Variants in TRIM24 observed in about 807,000 individuals in gnomAD.
TRIM24 encodes tripartite motif containing 24.
Under a neutral mutation model 123.9 loss-of-function variants are expected in TRIM24, and 29 were observed. The ratio of observed to expected loss-of-function variants is 0.23; its 90% CI spans 0.17 to 0.32. The LOEUF is 0.32. Ranked by LOEUF, TRIM24 falls within the 10% of genes least tolerant of loss-of-function variation. The probability of loss-of-function intolerance (pLI) is 1.00; values close to 1 mark genes in which losing one functional copy is unlikely to be tolerated. For synonymous variants in TRIM24, 456 were observed against 461.1 expected (o/e 0.99, Z 0.14); for missense variants, 932 against 1,295.3 (o/e 0.72, Z 4.31).
At chr7:138,559,323 C>T (rs1258205096) in intron 9 of TRIM24, among the ~76,000 whole-genome samples, 1 of 152,078 alleles carries the variant, frequency 6.6e-6, no homozygotes, top group Non-Finnish European at 1.5e-5. Flanking sequence ...CATTTTCTGA[C>T]ACTGGTATGA....
intron 3 of TRIM24, among the ~76,000 whole-genome samples, chr7:138,516,575 G>A (rs985445693): frequency 5.9e-5 from 9 of 151,976 alleles, no homozygotes; most frequent in South Asian, 2.1e-4. Flanking sequence ...GGCTGGTCTC[G>A]AACTCCTGAC....
Position 138,586,041 on chromosome 7 carries a change from T to G in TRIM24, c.*1090T>G. On this transcript the variant is annotated 3_prime_UTR_variant, in exon 19 of 19. Coordinates refer to ENST00000343526, the MANE Select transcript of TRIM24 (RefSeq NM_015905.3). ...AAGCATCTATCTCATGTTTTTCTTT[T>G]GAGAGTCAGAACATCAAACTTAATC... The G allele has an allele frequency of 6.9e-6, 3 of 434,444 alleles. No homozygotes were observed. Among genetic ancestry groups the G allele is most frequent in the Non-Finnish European group, 1.4e-5 (3 of 221,424 alleles). The allele number at this position is 434,444 out of a possible 1,614,324, so 26.9% of individuals were successfully genotyped here. A position where few individuals can be genotyped will look rare whatever the true frequency, so the allele number is the denominator to read the frequency against.
chr7:138,508,734 T>TGTGC (rs1796222099), intron 2 of TRIM24, among the ~76,000 whole-genome samples: 1 of 104,386 alleles, frequency 9.6e-6, no homozygotes, highest in Non-Finnish European at 2.2e-5. Flanking sequence ...TGTGTGTGTG[T>TGTGC]GTGTGTGTGT....
At position 138,585,240 on chromosome 7, in the gene TRIM24, C is replaced by G. The variant is rs1424180827; in HGVS notation, c.*289C>G. 1 of 284,458 alleles carries G rather than the reference C, an allele frequency of 3.5e-6. No homozygotes were observed. Among genetic ancestry groups the G allele is most frequent in the Non-Finnish European group, 6.5e-6 (1 of 153,272 alleles). The allele number at this position is 284,458 out of a possible 1,614,324, so 17.6% of individuals were successfully genotyped here. On this transcript the variant is annotated 3_prime_UTR_variant, in exon 19 of 19. Coordinates refer to ENST00000343526, the MANE Select transcript of TRIM24 (RefSeq NM_015905.3). ...GCATTGAAAACAAAGACATTCTTCC[C>G]ACTTCTTGGATTTTTAAACCACAGT...
intron 1 of TRIM24, among the ~76,000 whole-genome samples, chr7:138,476,572 G>A (rs1029832654): frequency 1.4e-5 from 2 of 146,844 alleles, no homozygotes; most frequent in South Asian, 2.2e-4. Flanking sequence ...CAGCCTGGGC[G>A]ACAGAGCGAG....
intron 1 of TRIM24, among the ~76,000 whole-genome samples, chr7:138,463,881 T>A (rs983312747): frequency 1.3e-5 from 2 of 151,856 alleles, no homozygotes; most frequent in Non-Finnish European, 2.9e-5. Context: ...ATTAAAGTTA[T>A]CTTTAAAAAA....
At chr7:138,545,570 T>G (rs1797086298) in intron 7 of TRIM24, 1 of 455,646 alleles carries the variant, frequency 2.2e-6, no homozygotes, top group South Asian at 1.6e-5. Flanking sequence ...ATTTTTATTC[T>G]TGGACTCAGA....
intron 17 of TRIM24, among the ~76,000 whole-genome samples, chr7:138,583,338 G>T (rs1323422107): frequency 6.6e-6 from 1 of 152,144 alleles, no homozygotes; most frequent in Non-Finnish European, 1.5e-5. Context: ...AAATAATTGG[G>T]GCTGGGTGCA....
chr7:138,531,904 G>T (rs573951266), intron 6 of TRIM24, among the ~76,000 whole-genome samples: 1 of 152,028 alleles, frequency 6.6e-6, no homozygotes, highest in African/African-American at 2.4e-5. Flanking sequence ...TTTAATGATG[G>T]CCATTCTAAC....
Position 138,583,837 on chromosome 7 carries a change from A to AT in TRIM24, c.2794-6dup, listed in dbSNP as rs751746883. The AT allele has an allele frequency of 7.9e-6, 12 of 1,526,890 alleles. No individual in the cohort carries two copies. The African/African-American group carries it at 1.1e-4, about 14-fold the overall frequency. The allele number at this position is 1,526,890 out of a possible 1,614,324, so 94.6% of individuals were successfully genotyped here. ...TTAGCTATTTGTATTATAACATCTC[A>AT]TTTTTTTAATAGGTGCCTGATTATT... On this transcript the variant is annotated splice_polypyrimidine_tract_variant and intron_variant, in intron 17 of 18. Coordinates refer to ENST00000343526, the MANE Select transcript of TRIM24 (RefSeq NM_015905.3).
chr7:138,534,681 G>A (rs1003511309), intron 6 of TRIM24, among the ~76,000 whole-genome samples: 4 of 152,214 alleles, frequency 2.6e-5, no homozygotes, highest in African/African-American at 9.6e-5. Context: ...TGAGAAGAAT[G>A]TATATTCTGT....
At chr7:138,497,956 G>T (rs1372630550) in intron 1 of TRIM24, among the ~76,000 whole-genome samples, 1 of 152,146 alleles carries the variant, frequency 6.6e-6, no homozygotes, top group Non-Finnish European at 1.5e-5. Context: ...GCTGTCCAAA[G>T]TGCTGGGATT....
intron 7 of TRIM24, among the ~76,000 whole-genome samples, chr7:138,539,479 A>G (rs868629591): frequency 6.6e-6 from 1 of 152,202 alleles, no homozygotes; most frequent in Non-Finnish European, 1.5e-5. Context: ...ACAAGCCTTC[A>G]GGTGACTCTG....
At chr7:138,506,175 A>C (rs979794390) in intron 2 of TRIM24, among the ~76,000 whole-genome samples, 1 of 152,216 alleles carries the variant, frequency 6.6e-6, no homozygotes, top group African/African-American at 2.4e-5. Context: ...CTGTTTTTGT[A>C]GTTTGGAAAG....
intron 1 of TRIM24, among the ~76,000 whole-genome samples, chr7:138,487,495 T>C (rs1322340754): frequency 6.6e-6 from 1 of 152,300 alleles, no homozygotes; most frequent in South Asian, 2.1e-4. Flanking sequence ...CATAAATAGC[T>C]CTTATTATTT....
intron 6 of TRIM24, among the ~76,000 whole-genome samples, chr7:138,537,392 T>TTG (rs993316153): frequency 1.1e-3 from 135 of 128,342 alleles, no homozygotes; most frequent in Non-Finnish European, 1.7e-3. Flanking sequence ...TTTTTTTTTT[T>TTG]TTTTTTTTTT....
chr7:138,520,593 G>C (rs1286374745), intron 4 of TRIM24, among the ~76,000 whole-genome samples: 1 of 152,138 alleles, frequency 6.6e-6, no homozygotes, highest in Non-Finnish European at 1.5e-5. Context: ...GGGAGACTGA[G>C]GTGGGAGGAT....
intron 1 of TRIM24, among the ~76,000 whole-genome samples, chr7:138,472,592 G>C (rs1162902069): frequency 3.3e-5 from 5 of 152,160 alleles, no homozygotes; most frequent in Non-Finnish European, 5.9e-5. Flanking sequence ...AAAATGTAGT[G>C]TTAGTGCAGG....
intron 1 of TRIM24, among the ~76,000 whole-genome samples, chr7:138,467,815 T>C (rs1795179857): frequency 6.6e-6 from 1 of 152,200 alleles, no homozygotes; most frequent in Non-Finnish European, 1.5e-5. Flanking sequence ...ATTTTTAAAA[T>C]TTTCATTTCA....
Sources: allele counts gnomAD v4.1 joint callset (sites outside exome capture counted in the v4.1 genomes callset), GRCh38; gene constraint gnomAD v4.1.1; transcripts MANE v1.5; gene names NCBI Gene and HGNC (gene_info 2026-07-23, HGNC 2026-07-21).